ANK2: variants seen among roughly 807,000 people sequenced by gnomAD.
ANK2 encodes ankyrin-2.
A neutral mutation model predicts 360.5 loss-of-function variants in ANK2; 83 were observed. The observed-to-expected ratio is 0.23, with a 90% CI of 0.19 to 0.28. ANK2 has a LOEUF of 0.28. Ranked by LOEUF, ANK2 falls within the 10% of genes least tolerant of loss-of-function variation. ANK2 has a pLI of 1.00. For synonymous variants in ANK2, 1,740 were observed against 1,759.5 expected (o/e 0.99, Z 0.28); for missense variants, 4,201 against 4,795.7 (o/e 0.88, Z 3.66).
chr4:112,915,337 A>G (rs2089377571), intron 2 of ANK2, among the ~76,000 whole-genome samples: 2 of 152,336 alleles, frequency 1.3e-5, no homozygotes, highest in South Asian at 4.1e-4. Flanking sequence ...TACCAAGAAC[A>G]TGAGGCCCAA....
rs1453070284 is a variant in ANK2, at chr4:113,381,702, A to G, written c.*231A>G. 5 of 1,509,504 alleles carry G rather than the reference A, an allele frequency of 3.3e-6. No individual in the cohort carries two copies. The South Asian group carries it at 3.6e-5, about 11-fold the overall frequency. The allele number at this position is 1,509,504 out of a possible 1,614,324, so 93.5% of individuals were successfully genotyped here. On this transcript the variant is annotated 3_prime_UTR_variant, in exon 46 of 46. Transcript: ENST00000357077. ...CACTCAATATGCAGCTTCCTGTTTC[A>G]GTAGGGGAGTGACCTAACTGGCCTA... is the stretch of plus-strand genomic sequence containing the variant.
At chr4:113,188,678 A>G (rs1373190894) in intron 2 of ANK2, among the ~76,000 whole-genome samples, 1 of 152,202 alleles carries the variant, frequency 6.6e-6, no homozygotes, top group Non-Finnish European at 1.5e-5. Flanking sequence ...TAAAATAAAC[A>G]TGTAAAATTT....
chr4:112,796,419 G>A, the ANK2 span, among the ~76,000 whole-genome samples: 11 of 149,418 alleles, frequency 7.4e-5, no homozygotes, highest in South Asian at 8.6e-4. Context: ...GCGAAACTCC[G>A]TCTCAAAAAA....
chr4:113,189,211 A>G (rs2098606811), intron 2 of ANK2, among the ~76,000 whole-genome samples: 1 of 152,164 alleles, frequency 6.6e-6, no homozygotes, highest in East Asian at 1.9e-4. Context: ...AACACCATTT[A>G]TAGGAATTAT....
chr4:113,334,793 T>C (rs917474526), intron 29 of ANK2, among the ~76,000 whole-genome samples: 7 of 131,978 alleles, frequency 5.3e-5, no homozygotes, highest in African/African-American at 2.0e-4. Flanking sequence ...ATTAATCTAT[T>C]ACTAGAAAGT....
chr4:112,840,950 T>C (rs187501428), intron 1 of ANK2, among the ~76,000 whole-genome samples: 174 of 152,292 alleles, frequency 1.1e-3, no homozygotes, highest in African/African-American at 3.9e-3. Flanking sequence ...TTTCCTGCTG[T>C]TATATACTTG....
At chr4:113,011,971 G>A (rs78988500) in intron 2 of ANK2, among the ~76,000 whole-genome samples, 1 of 151,764 alleles carries the variant, frequency 6.6e-6, no homozygotes, top group Admixed American at 6.6e-5. Flanking sequence ...CTGAGTTGAG[G>A]GTTATTATTC....
chr4:113,048,014 T>C (rs577917185), upstream of ANK2, among the ~76,000 whole-genome samples: 30 of 152,084 alleles, frequency 2.0e-4, no homozygotes, highest in Non-Finnish European at 3.8e-4. Flanking sequence ...AAACTGTCTA[T>C]ATTTGTAATA....
chr4:113,140,261 C>G (rs1028880618), intron 1 of ANK2, among the ~76,000 whole-genome samples: 14 of 152,172 alleles, frequency 9.2e-5, no homozygotes, highest in African/African-American at 3.4e-4. Context: ...ATCGAGAATT[C>G]TGCATGCAAT....
chr4:113,293,259 T>C, intron 21 of ANK2, 181 bp from the exon 22 acceptor site: 1 of 701,930 alleles, frequency 1.4e-6, no homozygotes, highest in Non-Finnish European at 2.6e-6. Flanking sequence ...TGACCTGGCC[T>C]ATAGTCTGAA....
chr4:113,144,864 G>A (rs1004621920), intron 1 of ANK2, among the ~76,000 whole-genome samples: 4 of 148,664 alleles, frequency 2.7e-5, no homozygotes, highest in African/African-American at 7.4e-5. Flanking sequence ...AAACCCTAAT[G>A]GAGGAATAAA....
At position 113,356,541 on chromosome 4, in the gene ANK2, C is replaced by T. The variant is rs1289606390; in HGVS notation, c.7923C>T (p.Gly2641=). The T allele has an allele frequency of 6.2e-7, 1 of 1,614,118 alleles. No homozygotes were observed. The highest frequency in any genetic ancestry group is 1.7e-5 in the Admixed American group (1 of 60,014). Residue 2641 remains glycine, a synonymous_variant, in exon 38 of 46, where the codon GGC becomes GGT. Coordinates refer to ENST00000357077, the MANE Select transcript of ANK2 (RefSeq NM_001148.6). The part of the protein sequence containing the change: ...SVDVDEPKHT[G]SGEDESGVPV... Reference sequence around the variant, plus strand: ...ATGTGGATGAACCAAAACATACAGGCAGTGGGGAGGATGAAAGTGGTGTCC... The same window carrying T: ...ATGTGGATGAACCAAAACATACAGGTAGTGGGGAGGATGAAAGTGGTGTCC...
chr4:113,283,315 G>A (rs2063126063), intron 18 of ANK2, among the ~76,000 whole-genome samples: 1 of 152,180 alleles, frequency 6.6e-6, no homozygotes, highest in Non-Finnish European at 1.5e-5. Flanking sequence ...GCAGGCCGAT[G>A]TTCACCACCC....
the ANK2 span, among the ~76,000 whole-genome samples, chr4:112,717,830 C>T: frequency 6.6e-6 from 1 of 151,922 alleles, no homozygotes; most frequent in Non-Finnish European, 1.5e-5. Flanking sequence ...ACAAAAGTAC[C>T]AGGGCTATTG....
chr4:113,197,681 T>G (rs974931521), intron 3 of ANK2, among the ~76,000 whole-genome samples: 1 of 152,170 alleles, frequency 6.6e-6, no homozygotes, highest in Admixed American at 6.5e-5. Flanking sequence ...TGGTTCTGCT[T>G]GTAGTATAGT....
intron 18 of ANK2, among the ~76,000 whole-genome samples, chr4:113,284,828 A>G (rs2063759444): frequency 6.6e-6 from 1 of 152,234 alleles, no homozygotes; most frequent in African/African-American, 2.4e-5. Flanking sequence ...GGTTAGAATT[A>G]TAAGATAATG....
At chr4:113,232,010 C>T (rs781590349) in intron 4 of ANK2, 151 bp from the exon 5 acceptor site, 4 of 626,516 alleles carry the variant, frequency 6.4e-6, no homozygotes, top group East Asian at 3.0e-5. Flanking sequence ...TGATTCACTG[C>T]GATTTTGTCT....
chr4:112,938,411 T>C lies in ANK2; in HGVS notation c.21+33897T>C, dbSNP rs370849676. Among the ~76,000 whole-genome samples, 628 of 152,336 alleles carry C rather than the reference T, an allele frequency of 4.1e-3. 5 individuals are homozygous for C. The highest frequency in any genetic ancestry group is 0.014 in the African/African-American group (589 of 41,572). ...GTTCATTCATGGTGAGGAATCTATCTACCGCTATATGTGTTGGGGTATGAT... is the reference window on the plus strand; with the variant it reads ...GTTCATTCATGGTGAGGAATCTATCCACCGCTATATGTGTTGGGGTATGAT... On this transcript the variant is annotated intron_variant, in intron 2 of 30. Transcript: ENST00000503271.
chr4:113,207,593 A>G (rs1254088079), intron 4 of ANK2, among the ~76,000 whole-genome samples: 1 of 151,896 alleles, frequency 6.6e-6, no homozygotes, highest in African/African-American at 2.4e-5. Context: ...CTCAAATCTA[A>G]CAGCATTAAT....
Sources: gnomAD v4.1 joint callset for allele counts (sites outside exome capture counted in the v4.1 genomes callset) on GRCh38, gnomAD v4.1.1 for gene constraint, MANE v1.5 for transcripts, NCBI Gene and HGNC (gene_info 2026-07-23, HGNC 2026-07-21) for gene names.